CHSY1: variants seen among roughly 807,000 people sequenced by gnomAD.
CHSY1 encodes chondroitin sulfate synthase 1.
A neutral mutation model predicts 59.8 loss-of-function variants in CHSY1; 13 were observed. That is an observed-to-expected ratio of 0.22 (90% CI 0.14 to 0.35). The LOEUF (loss-of-function observed/expected upper bound fraction) is 0.35, where lower values mean the gene tolerates loss of function less well. Ranked by LOEUF, CHSY1 falls within the 10% of genes least tolerant of loss-of-function variation. The pLI is 1.00. For synonymous variants in CHSY1, 459 were observed against 401.2 expected (o/e 1.14, Z -1.72); for missense variants, 947 against 1,030.6 (o/e 0.92, Z 1.11).
chr15:101,213,286 A>C (rs1167176427), intron 2 of CHSY1, among the ~76,000 whole-genome samples: 1 of 145,228 alleles, frequency 6.9e-6, no homozygotes, highest in Non-Finnish European at 1.5e-5. Flanking sequence ...CAGTGTTGTA[A>C]AATCCTTGCA....
chr15:101,233,948 G>A (rs1349027739), intron 2 of CHSY1, among the ~76,000 whole-genome samples: 1 of 152,072 alleles, frequency 6.6e-6, no homozygotes, highest in Non-Finnish European at 1.5e-5. Context: ...CTTTTTCTTG[G>A]GCAAAAGATC....
Position 101,222,620 on chromosome 15 carries a change from G to A in CHSY1, c.816+12462C>T, listed in dbSNP as rs79244220. Among the ~76,000 whole-genome samples the A allele has an allele frequency of 7.9e-3, 1,204 of 152,210 alleles. 15 individuals carry two copies. The highest frequency in any genetic ancestry group is 0.028 in the African/African-American group (1,147 of 41,516). On this transcript the variant is annotated intron_variant, in intron 2 of 2. Coordinates refer to ENST00000254190, the MANE Select transcript of CHSY1 (RefSeq NM_014918.5). ...GTCACCTCTAGCCTGACAGTTTCCCGGTCTTTCCTTGCTTTTCCTGACCTG... is the reference window on the plus strand; with the variant it reads ...GTCACCTCTAGCCTGACAGTTTCCCAGTCTTTCCTTGCTTTTCCTGACCTG...
chr15:101,236,340 G>C (rs1166438333), intron 1 of CHSY1, among the ~76,000 whole-genome samples: 1 of 152,176 alleles, frequency 6.6e-6, no homozygotes, highest in Non-Finnish European at 1.5e-5. Context: ...GTGGATCACG[G>C]GGGCAGCTTC....
chr15:101,195,556 C>T (rs978238396), intron 2 of CHSY1, among the ~76,000 whole-genome samples: 1 of 152,132 alleles, frequency 6.6e-6, no homozygotes, highest in African/African-American at 2.4e-5. Flanking sequence ...GTGTGGTGGC[C>T]CATGCCTCTA....
intron 2 of CHSY1, chr15:101,188,099 C>T: frequency 1.0e-6 from 1 of 985,468 alleles, no homozygotes; most frequent in Non-Finnish European, 1.2e-6. Flanking sequence ...GACTGTCCTT[C>T]AGCACGTACA....
chr15:101,232,423 A>T (rs982429531), intron 2 of CHSY1, among the ~76,000 whole-genome samples: 1 of 152,242 alleles, frequency 6.6e-6, no homozygotes, highest in African/African-American at 2.4e-5. Context: ...TATAAAAAGA[A>T]AAATAAAAAA....
chr15:101,196,583 G>T (rs555096932), intron 2 of CHSY1, among the ~76,000 whole-genome samples: 33 of 152,176 alleles, frequency 2.2e-4, no homozygotes, highest in Admixed American at 4.6e-4. Flanking sequence ...CCACCAAGCG[G>T]GATTACACCC....
At chr15:101,193,272 T>C (rs1473758261) in intron 2 of CHSY1, among the ~76,000 whole-genome samples, 1 of 152,096 alleles carries the variant, frequency 6.6e-6, no homozygotes, top group Admixed American at 6.5e-5. Context: ...ACCACGAAGC[T>C]GGGGAGACAG....
At position 101,251,220 on chromosome 15, in the gene CHSY1, G is replaced by T; in HGVS notation, c.237C>A (p.Gly79=). 6.3e-7 allele frequency: 1 copy of T among 1,590,140 alleles called. No individual in the cohort carries two copies. The change falls in exon 1 of 3, where the codon GGC becomes GGA. Residue 79 remains glycine (G), a synonymous_variant. Transcript: ENST00000254190. ...QLWPPGSDPD[G]GPRDRNFLFV... Reference sequence around the variant, plus strand: ...AGAGAAAGTTCCTGTCGCGCGGGCCGCCATCTGGGTCCGAGCCGGGCGGCC... The same window carrying T: ...AGAGAAAGTTCCTGTCGCGCGGGCCTCCATCTGGGTCCGAGCCGGGCGGCC...
At position 101,194,562 on chromosome 15, in the gene CHSY1, T is replaced by C. The variant is rs117761888; in HGVS notation, c.817-15582A>G. 9.5e-3 allele frequency among the ~76,000 whole-genome samples: 1,453 copies of C among 152,322 alleles called. 16 individuals carry two copies. The highest frequency in any genetic ancestry group is 0.016 in the Admixed American group (245 of 15,302). ...GTTCTCTACTTGGTATTTTGCACCA[T>C]TAAATAAAGCTACATAATAATCAGG... is the stretch of plus-strand genomic sequence containing the variant. On this transcript the variant is annotated intron_variant, in intron 2 of 2. Transcript: ENST00000254190.
chr15:101,228,966 G>A (rs12591709), intron 2 of CHSY1, among the ~76,000 whole-genome samples: 8,869 of 152,132 alleles, frequency 0.058, 707 homozygotes, highest in African/African-American at 0.18. Flanking sequence ...CAGCACAAAG[G>A]GAGGAGACAA....
intron 2 of CHSY1, among the ~76,000 whole-genome samples, chr15:101,219,882 T>G (rs1567100356): frequency 2.0e-5 from 3 of 152,214 alleles, no homozygotes. Flanking sequence ...TTATCCTGCC[T>G]CAGCCTCCCA....
intron 2 of CHSY1, among the ~76,000 whole-genome samples, chr15:101,220,877 T>C (rs2038781664): frequency 1.3e-5 from 2 of 152,182 alleles, no homozygotes; most frequent in African/African-American, 4.8e-5. Context: ...GATATGACCA[T>C]GGTTTGCCTC....
At chr15:101,187,315 T>G (rs891567804) in intron 2 of CHSY1, among the ~76,000 whole-genome samples, 1 of 152,170 alleles carries the variant, frequency 6.6e-6, no homozygotes, top group Middle Eastern at 3.4e-3. Context: ...ACTGTTTCTA[T>G]TAAAATTACA....
intron 1 of CHSY1, among the ~76,000 whole-genome samples, chr15:101,237,555 T>C (rs112355794): frequency 8.6e-5 from 13 of 151,996 alleles, no homozygotes; most frequent in African/African-American, 3.1e-4. Flanking sequence ...CGGTTGCCCG[T>C]CGACAGAGGG....
In CHSY1 at chr15:101,251,954, G is replaced by C. The variant is rs1451680044; in HGVS notation, c.-498C>G. ...CGCCATTGCAACAGGAGCCCCTCAC[G>C]TCACGCACGGCGCGTTATGAAGTGG... On this transcript the variant is annotated 5_prime_UTR_variant, in exon 1 of 3. Transcript: ENST00000254190. 6.6e-6 allele frequency: 1 copy of C among 151,236 alleles called. No individual in the cohort carries two copies. The highest frequency in any genetic ancestry group is 2.1e-4 in the South Asian group (1 of 4,840). The allele number at this position is 151,236 out of a possible 1,614,324, so 9.4% of individuals were successfully genotyped here. A position where few individuals can be genotyped will look rare whatever the true frequency, so the allele number is the denominator to read the frequency against.
intron 2 of CHSY1, among the ~76,000 whole-genome samples, chr15:101,198,971 G>A (rs893148378): frequency 1.3e-5 from 2 of 152,194 alleles, no homozygotes; most frequent in African/African-American, 4.8e-5. Flanking sequence ...ACTTACTGGA[G>A]GTAAACCAGG....
At chr15:101,218,168 G>T (rs532357860) in intron 2 of CHSY1, among the ~76,000 whole-genome samples, 1 of 152,322 alleles carries the variant, frequency 6.6e-6, no homozygotes, top group South Asian at 2.1e-4. Flanking sequence ...CAAAAACAAG[G>T]AATGCCTAAG....
chr15:101,239,757 A>G (rs1198820216), intron 1 of CHSY1, among the ~76,000 whole-genome samples: 1 of 152,226 alleles, frequency 6.6e-6, no homozygotes, highest in Non-Finnish European at 1.5e-5. Context: ...CTCTTTTACT[A>G]TCAACTTCAG....
Sources: allele counts gnomAD v4.1 joint callset (sites outside exome capture counted in the v4.1 genomes callset), GRCh38; gene constraint gnomAD v4.1.1; transcripts MANE v1.5; gene names NCBI Gene and HGNC (gene_info 2026-07-23, HGNC 2026-07-21).